NTNG1: variants seen among roughly 807,000 people sequenced by gnomAD.
The protein encoded by NTNG1 is netrin G1.
In NTNG1, 16 loss-of-function variants were observed where a neutral mutation model predicts 54.0. The observed-to-expected ratio is 0.30, with a 90% CI of 0.20 to 0.45. The LOEUF (loss-of-function observed/expected upper bound fraction) is 0.45. Ranked by LOEUF, NTNG1 falls within the 20% of genes least tolerant of loss-of-function variation. NTNG1 has a pLI of 1.00. For synonymous variants in NTNG1, 255 were observed against 263.1 expected (o/e 0.97, Z 0.30); for missense variants, 530 against 678.7 (o/e 0.78, Z 2.43).
chr1:107,311,720 T>A (rs1163906613), intron 2 of NTNG1, among the ~76,000 whole-genome samples: 1 of 152,196 alleles, frequency 6.6e-6, no homozygotes, highest in African/African-American at 2.4e-5. Flanking sequence ...CTGCTTTTCT[T>A]ACTTTTCTTG....
intron 2 of NTNG1, among the ~76,000 whole-genome samples, chr1:107,304,617 T>G (rs1283287861): frequency 2.6e-5 from 4 of 152,216 alleles, no homozygotes; most frequent in African/African-American, 9.6e-5. Flanking sequence ...GTTTGATTCT[T>G]GGACATCCAG....
intron 2 of NTNG1, among the ~76,000 whole-genome samples, chr1:107,308,875 T>C (rs1666842790): frequency 6.6e-6 from 1 of 152,234 alleles, no homozygotes; most frequent in Non-Finnish European, 1.5e-5. Flanking sequence ...CTAGGCATTT[T>C]ATTCTTTTCT....
chr1:107,237,149 G>C (rs1273205045), intron 2 of NTNG1, among the ~76,000 whole-genome samples: 1 of 152,142 alleles, frequency 6.6e-6, no homozygotes, highest in African/African-American at 2.4e-5. Flanking sequence ...CAGCAGAGGT[G>C]GTCTTAGATG....
chr1:107,251,158 T>G (rs1662579449), intron 2 of NTNG1, among the ~76,000 whole-genome samples: 1 of 152,164 alleles, frequency 6.6e-6, no homozygotes, highest in Non-Finnish European at 1.5e-5. Context: ...GTTGAAAGAT[T>G]TACCTAAATG....
chr1:107,220,654 G>A (rs1439827909), intron 2 of NTNG1, among the ~76,000 whole-genome samples: 2 of 152,182 alleles, frequency 1.3e-5, no homozygotes, highest in Non-Finnish European at 2.9e-5. Flanking sequence ...TTCCTTATTT[G>A]TCAGGACTGT....
chr1:107,202,472 C>T (rs1658829363), intron 2 of NTNG1, among the ~76,000 whole-genome samples: 1 of 151,738 alleles, frequency 6.6e-6, no homozygotes, highest in South Asian at 2.1e-4. Flanking sequence ...TTACTACCAC[C>T]ACTGCCAGTA....
intron 4 of NTNG1, among the ~76,000 whole-genome samples, chr1:107,407,096 C>T (rs929210789): frequency 6.6e-6 from 1 of 152,136 alleles, no homozygotes; most frequent in Non-Finnish European, 1.5e-5. Context: ...TTGAATTATT[C>T]TGCTCAATTG....
intron 3 of NTNG1, among the ~76,000 whole-genome samples, chr1:107,377,781 T>C (rs1240010446): frequency 1.3e-5 from 2 of 152,250 alleles, no homozygotes; most frequent in Admixed American, 1.3e-4. Context: ...GGAATCTCCC[T>C]AGACGTGTGG....
chr1:107,251,060 T>C (rs1662573303), intron 2 of NTNG1, among the ~76,000 whole-genome samples: 1 of 152,246 alleles, frequency 6.6e-6, no homozygotes. Context: ...AAAGAATACA[T>C]TTATCATGAA....
chr1:107,459,009 T>G (rs1677118102), intron 7 of NTNG1, among the ~76,000 whole-genome samples: 1 of 152,178 alleles, frequency 6.6e-6, no homozygotes. Flanking sequence ...TTAAAGTCAT[T>G]TTCCATATGT....
chr1:107,366,097 A>AGT (rs140822006), intron 3 of NTNG1, among the ~76,000 whole-genome samples: 1 of 151,904 alleles, frequency 6.6e-6, no homozygotes, highest in South Asian at 2.1e-4. Context: ...CAGTTCTGTT[A>AGT]GTGTGTGTGT....
At chr1:107,267,810 G>A (rs752681127) in intron 2 of NTNG1, among the ~76,000 whole-genome samples, 5 of 152,056 alleles carry the variant, frequency 3.3e-5, no homozygotes, top group Non-Finnish European at 5.9e-5. Flanking sequence ...TCATAACATT[G>A]CATTTCCTGT....
At chr1:107,264,372 C>T (rs1663590370) in intron 2 of NTNG1, among the ~76,000 whole-genome samples, 1 of 152,194 alleles carries the variant, frequency 6.6e-6, no homozygotes, top group Admixed American at 6.5e-5. Context: ...AAGGCCCATT[C>T]ATTACAGGGA....
intron 2 of NTNG1, among the ~76,000 whole-genome samples, chr1:107,314,321 C>A (rs760516991): frequency 9.2e-5 from 14 of 152,152 alleles, no homozygotes; most frequent in Non-Finnish European, 1.9e-4. Context: ...ATCGCTTGAA[C>A]CCGGGAGGCA....
At chr1:107,419,198 C>T (rs1674420323) in intron 5 of NTNG1, among the ~76,000 whole-genome samples, 2 of 151,292 alleles carry the variant, frequency 1.3e-5, no homozygotes, top group Non-Finnish European at 1.5e-5. Flanking sequence ...CCCTTTCTCA[C>T]TCCCTGTCTC....
chr1:107,221,786 C>T (rs577149911), intron 2 of NTNG1, among the ~76,000 whole-genome samples: 47 of 152,158 alleles, frequency 3.1e-4, no homozygotes, highest in African/African-American at 1.0e-3. Context: ...CATTTTTGAC[C>T]AAAGGAGTAC....
intron 2 of NTNG1, among the ~76,000 whole-genome samples, chr1:107,290,951 C>CATATATATATATTATATAT (rs945014006): frequency 7.4e-6 from 1 of 135,100 alleles, no homozygotes; most frequent in Non-Finnish European, 1.5e-5. Context: ...TTTTAAAGTG[C>CATATATATATATTATATAT]ATATATATAT....
At chr1:107,142,307 CT>C (rs11408012) in intron 1 of NTNG1, among the ~76,000 whole-genome samples, 82 of 146,132 alleles carry the variant, frequency 5.6e-4, no homozygotes, top group East Asian at 1.8e-3. Context: ...CACCCGGGGA[CT>C]TTTTTTTTTT....
chr1:107,156,980 G>A (rs1655049248), intron 2 of NTNG1, among the ~76,000 whole-genome samples: 1 of 152,144 alleles, frequency 6.6e-6, no homozygotes, highest in Non-Finnish European at 1.5e-5. Context: ...TCGATCCACA[G>A]TGAGAAATAG....
Sources: gnomAD v4.1 joint callset for allele counts (sites outside exome capture counted in the v4.1 genomes callset) on GRCh38, gnomAD v4.1.1 for gene constraint, MANE v1.5 for transcripts, NCBI Gene and HGNC (gene_info 2026-07-23, HGNC 2026-07-21) for gene names.